Variants in PPP1R12C observed in about 807,000 individuals in gnomAD.
PPP1R12C encodes the protein leukocyte receptor cluster (LRC) encoded novel gene 3.
In PPP1R12C, 48 loss-of-function variants were observed where a neutral mutation model predicts 95.6. That is an observed-to-expected ratio of 0.50 (90% CI 0.40 to 0.64). PPP1R12C has a LOEUF of 0.64. PPP1R12C is among the 30% of genes least tolerant of loss of function. PPP1R12C has a pLI of 0.00. For missense variants in PPP1R12C, 1,057 were observed against 1,083.3 expected (o/e 0.98, Z 0.34); for synonymous variants, 480 against 460.8 (o/e 1.04, Z -0.53).
chr19:55,111,151 G>C (rs895053786), intron 3 of PPP1R12C, among the ~76,000 whole-genome samples: 4 of 60,090 alleles, frequency 6.7e-5, no homozygotes, highest in African/African-American at 2.1e-4. Context: ...GTGGGGGGGA[G>C]GGGGGGGTGC....
Position 55,095,558 on chromosome 19 carries a change from T to C in PPP1R12C, c.1273A>G (p.Thr425Ala). 6.3e-7 allele frequency: 1 copy of C among 1,589,500 alleles called. No homozygotes were observed. Among genetic ancestry groups the C allele is most frequent in the South Asian group, 1.1e-5 (1 of 87,230 alleles). ...GGACCCAGGGCACCAGAACTCCCTG[T>C]CTTCAGGAGGCCAAAGCGCCTGGAG... is the stretch of plus-strand genomic sequence containing the variant. ...PFSRRFGLLKTGSSGALGPPE... is the reference protein window; with the variant it reads ...PFSRRFGLLKAGSSGALGPPE... The change falls in exon 10 of 22, where the codon ACA becomes GCA. Residue 425 changes from threonine to alanine, a missense_variant. By Grantham distance (58) the Thr-to-Ala change is moderately conservative. Coordinates refer to ENST00000263433, the MANE Select transcript of PPP1R12C (RefSeq NM_017607.4).
chr19:55,093,302 G>A (rs1415414980), intron 13 of PPP1R12C, 69 bp from the exon 14 acceptor site: 21 of 1,395,304 alleles, frequency 1.5e-5, no homozygotes, highest in Admixed American at 5.8e-5. Flanking sequence ...TCAGACCCAG[G>A]AGCCCAGGCC....
rs1468758946 is a variant in PPP1R12C at position 55,096,294 on chromosome 19, C to A, written c.993G>T (p.Glu331Asp). ...GTTTGCTGCTAGAGGGCGCTTGGGG[C>A]TCCTGGCCCCGGCTCTGGGAAGCTT... ...QKEASQSRGQ[E>D]PQAPSSSKHR... Residue 331 changes from glutamate (E) to aspartate (D), a missense_variant, in exon 7 of 22, where the codon GAG (glutamate) becomes GAT (aspartate). Coordinates refer to ENST00000263433, the MANE Select transcript of PPP1R12C (RefSeq NM_017607.4). 9.9e-6 allele frequency: 16 copies of A among 1,613,802 alleles called. No homozygotes were observed. The highest frequency in any genetic ancestry group is 1.3e-5 in the Non-Finnish European group (15 of 1,179,934).
Position 55,113,147 on chromosome 19 carries a change from G to A in PPP1R12C, c.322-352C>T, listed in dbSNP as rs898765606. 18 of 512,784 alleles carry A rather than the reference G, an allele frequency of 3.5e-5. No homozygotes were observed. In the South Asian group the frequency reaches 5.6e-4, roughly 16 times the overall value. The allele number at this position is 512,784 out of a possible 1,614,324, so 31.8% of individuals were successfully genotyped here. A position where few individuals can be genotyped will look rare whatever the true frequency, so the allele number is the denominator to read the frequency against. ...ACCACCCACAGGTGGCGCTTCCAGT[G>A]CTCAGACTAGGGAAGAGGTTCCAGC... On this transcript the variant is annotated intron_variant, in intron 1 of 21. Coordinates refer to ENST00000263433, the MANE Select transcript of PPP1R12C (RefSeq NM_017607.4).
rs1418131512 is a variant in PPP1R12C at position 55,117,373 on chromosome 19, C to T, written c.171G>A (p.Ala57=). The part of the protein sequence containing the change: ...VRFERAAEFL[A]ACAGGDLDEA... ...CGTCCAGGTCGCCGCCCGCACAGGC[C>T]GCCAGGAACTCGGCGGCGCGCTCGA... The change falls in exon 1 of 22, where the codon GCG becomes GCA. Residue 57 remains alanine, a synonymous_variant. Coordinates refer to ENST00000263433, the MANE Select transcript of PPP1R12C (RefSeq NM_017607.4). The T allele has an allele frequency of 9.1e-6, 10 of 1,103,676 alleles. No homozygotes were observed. Among genetic ancestry groups the T allele is most frequent in the Non-Finnish European group, 1.1e-5 (10 of 907,506 alleles). 68.4% of individuals were successfully genotyped at this position (1,103,676 alleles called of 1,614,324 possible).
chr19:55,107,704 G>GGGA, intron 3 of PPP1R12C, among the ~76,000 whole-genome samples: 1 of 114,796 alleles, frequency 8.7e-6, no homozygotes, highest in Non-Finnish European at 1.7e-5. Context: ...CTGTCGTGGG[G>GGGA]TGGGGGGAGG....
intron 3 of PPP1R12C, among the ~76,000 whole-genome samples, chr19:55,106,221 C>T (rs1230298595): frequency 1.3e-5 from 2 of 152,162 alleles, no homozygotes; most frequent in Non-Finnish European, 2.9e-5. Context: ...CTGCTTAGAT[C>T]ACTCATTTAG....
At position 55,109,773 on chromosome 19, in the gene PPP1R12C, G is replaced by A. The variant is rs966944361; in HGVS notation, c.571+2694C>T. Among the ~76,000 whole-genome samples the A allele has an allele frequency of 3.3e-5, 5 of 152,178 alleles. No individual in the cohort carries two copies. Among genetic ancestry groups the A allele is most frequent in the Non-Finnish European group, 5.9e-5 (4 of 68,020 alleles). On this transcript the variant is annotated intron_variant, in intron 3 of 21. Transcript: ENST00000263433. This position sits in a 1 kb window ranked among gnomAD's most constrained non-coding sequence, Gnocchi z 4.4. The stretch of plus-strand genomic sequence containing the variant: ...GTCCTGCAGGGGGTGCAAAAGACCC[G>A]CCCTCCTTAGAGCTGGGGTGCAGCC...
rs752740644 is a variant in PPP1R12C, at chr19:55,091,458, A to C, written c.*14T>G. ...GCAGCTGTATAAATACGGGTGCGGGAAAGTCCCTCCGGGTCACTTGGAGAG... is the reference window on the plus strand; with the variant it reads ...GCAGCTGTATAAATACGGGTGCGGGCAAGTCCCTCCGGGTCACTTGGAGAG... On this transcript the variant is annotated 3_prime_UTR_variant, in exon 22 of 22. Transcript: ENST00000263433. The C allele has an allele frequency of 3.1e-6, 5 of 1,611,008 alleles. No individual in the cohort carries two copies. Among genetic ancestry groups the C allele is most frequent in the East Asian group, 2.2e-5 (1 of 44,854 alleles).
intron 3 of PPP1R12C, among the ~76,000 whole-genome samples, chr19:55,110,024 G>A (rs991115160): frequency 1.3e-5 from 2 of 152,152 alleles, no homozygotes; most frequent in Admixed American, 6.5e-5. Context: ...CTCACCCCAC[G>A]GGAGGGAAGA....
At chr19:55,113,587 T>C (rs1206448255) in intron 1 of PPP1R12C, 7 of 1,297,852 alleles carry the variant, frequency 5.4e-6, no homozygotes, top group Non-Finnish European at 6.9e-6. Flanking sequence ...CTGGGTGGGC[T>C]CCGGGACCTG....
chr19:55,091,633 GC>G lies in PPP1R12C; in HGVS notation c.2262+16del, dbSNP rs2084841899. On this transcript the variant is annotated intron_variant, in intron 21 of 21. Coordinates refer to ENST00000263433, the MANE Select transcript of PPP1R12C (RefSeq NM_017607.4). The stretch of plus-strand genomic sequence containing the variant: ...ACCCACCCTCGGCCCTCTGCCCACA[GC>G]CCCCACAGCCCCCACCTTCAGCTCC... 9.7e-7 allele frequency: 1 copy of G among 1,025,972 alleles called. No homozygotes were observed. Among genetic ancestry groups the G allele is most frequent in the Non-Finnish European group, 1.4e-6 (1 of 703,184 alleles). The allele number at this position is 1,025,972 out of a possible 1,614,324, so 63.6% of individuals were successfully genotyped here.
intron 6 of PPP1R12C, 115 bp from the exon 7 acceptor site, chr19:55,096,450 G>A: frequency 5.6e-6 from 7 of 1,249,086 alleles, no homozygotes; most frequent in Non-Finnish European, 8.1e-6. Context: ...GAGGGCTCGT[G>A]GGCTTACTGG....
chr19:55,101,124 T>C (rs1450155925), intron 4 of PPP1R12C, among the ~76,000 whole-genome samples: 1 of 151,998 alleles, frequency 6.6e-6, no homozygotes, highest in Non-Finnish European at 1.5e-5. Context: ...GGAGCACACC[T>C]GTAATCACAG....
chr19:55,111,394 C>A (rs2085094477), intron 3 of PPP1R12C: 1 of 152,184 alleles, frequency 6.6e-6, no homozygotes, highest in Non-Finnish European at 1.5e-5. Flanking sequence ...TATGGGTAGT[C>A]ACATGCTATT....
chr19:55,094,932 C>G lies in PPP1R12C; in HGVS notation c.1455-134G>C, dbSNP rs2084892688. The G allele has an allele frequency of 4.7e-6, 5 of 1,073,928 alleles. No individual in the cohort carries two copies. The South Asian group carries it at 5.5e-5, about 12-fold the overall frequency. 66.5% of individuals were successfully genotyped at this position (1,073,928 alleles called of 1,614,324 possible). ...AGAGCTGAGCAGAAATACACAAAAC[C>G]CACAAAAGCCATGAAAAGACCAGCA... On this transcript the variant is annotated intron_variant, in intron 11 of 21. Coordinates refer to ENST00000263433, the MANE Select transcript of PPP1R12C (RefSeq NM_017607.4).
chr19:55,116,790 G>C (rs1191558929), intron 1 of PPP1R12C, among the ~76,000 whole-genome samples: 1 of 152,134 alleles, frequency 6.6e-6, no homozygotes, highest in Non-Finnish European at 1.5e-5. Context: ...TCAGGTTCAG[G>C]AGAGGGCAGG....
In PPP1R12C at chr19:55,098,791, T is replaced by C; in HGVS notation, c.944A>G (p.Gln315Arg). 1.9e-6 allele frequency: 3 copies of C among 1,613,532 alleles called. No individual in the cohort carries two copies. The highest frequency in any genetic ancestry group is 2.5e-6 in the Non-Finnish European group (3 of 1,179,996). Residue 315 changes from glutamine (Q) to arginine (R), a missense_variant, in exon 6 of 22, where the codon CAG becomes CGG. Gln to Arg is a conservative substitution (Grantham distance 43, BLOSUM62 1). Transcript: ENST00000263433. ...LSLLEELARK[Q>R]EDLRNQKEAS... is the part of the protein sequence containing the mutation. Reference sequence around the variant, plus strand: ...CTCAGCCCTGACACTCACGTCCTCCTGTTTCCGGGCCAGTTCCTCCAACAG... The same window carrying C: ...CTCAGCCCTGACACTCACGTCCTCCCGTTTCCGGGCCAGTTCCTCCAACAG...
chr19:55,092,577 G>T, intron 17 of PPP1R12C, 33 bp from the exon 18 acceptor site: 1 of 1,566,634 alleles, frequency 6.4e-7, no homozygotes, highest in Non-Finnish European at 8.6e-7. Context: ...GTCAGGGGCC[G>T]GCCCGGCCCG....
Sources: gnomAD v4.1 joint callset for allele counts (sites outside exome capture counted in the v4.1 genomes callset) on GRCh38, gnomAD v4.1.1 for gene constraint, Gnocchi (gnomAD v3.1) non-coding constraint, MANE v1.5 for transcripts, NCBI Gene and HGNC (gene_info 2026-07-23, HGNC 2026-07-21) for gene names.